LRRC37A2: variants seen among roughly 807,000 people sequenced by gnomAD.
The protein encoded by LRRC37A2 is leucine rich repeat containing 37 member A2.
In LRRC37A2, 9 loss-of-function variants were observed where a neutral mutation model predicts 68.8. The ratio of observed to expected loss-of-function variants is 0.13; its 90% CI spans 0.08 to 0.23. The LOEUF (loss-of-function observed/expected upper bound fraction) is 0.23. LRRC37A2 is among the 10% of genes least tolerant of loss of function. LRRC37A2 has a pLI of 1.00. For synonymous variants in LRRC37A2, 63 were observed against 367.6 expected, an observed-to-expected ratio of 0.17 and a Z score of 9.48; for missense variants, 168 against 950.4, an observed-to-expected ratio of 0.18 and a Z score of 10.82.
the LRRC37A2 span, among the ~76,000 whole-genome samples, chr17:46,994,720 G>A: frequency 1.3e-5 from 2 of 151,940 alleles, no homozygotes; most frequent in African/African-American, 2.4e-5. Context: ...AGCAGTTGTC[G>A]GCCTCTGAGT....
At chr17:46,905,780 T>TTGTGTGTGTGTGTGTGTGTGTGTG in the LRRC37A2 span, among the ~76,000 whole-genome samples, 1 of 116,962 alleles carries the variant, frequency 8.5e-6, no homozygotes, top group Admixed American at 8.6e-5. Context: ...CTCTGTGTGT[T>TTGTGTGTGTGTGTGTGTGTGTGTG]TGTGTGTGTG....
chr17:46,958,496 CTA>C, the LRRC37A2 span, among the ~76,000 whole-genome samples: 2 of 152,220 alleles, frequency 1.3e-5, no homozygotes, highest in South Asian at 4.1e-4. Context: ...CACAGCCTGA[CTA>C]AGCCAAGAGC....
At chr17:46,773,236 G>A in the LRRC37A2 span, among the ~76,000 whole-genome samples, 1 of 152,072 alleles carries the variant, frequency 6.6e-6, no homozygotes, top group Admixed American at 6.5e-5. Flanking sequence ...GCTCTTGGGG[G>A]CAACGCAATG....
the LRRC37A2 span, among the ~76,000 whole-genome samples, chr17:46,950,940 C>T: frequency 6.6e-6 from 1 of 152,156 alleles, no homozygotes; most frequent in Non-Finnish European, 1.5e-5. Context: ...GGGAAGTCAC[C>T]GACTCCCAAT....
the LRRC37A2 span, among the ~76,000 whole-genome samples, chr17:46,501,120 C>A: frequency 6.6e-6 from 1 of 151,306 alleles, no homozygotes; most frequent in African/African-American, 2.5e-5. Flanking sequence ...TAAATCCTGA[C>A]CTCAAGCAAT....
chr17:47,044,309 C>T, the LRRC37A2 span, among the ~76,000 whole-genome samples: 3 of 151,324 alleles, frequency 2.0e-5, no homozygotes, highest in African/African-American at 7.3e-5. Context: ...GAATCATGTA[C>T]TAAGTGTAAT....
the LRRC37A2 span, among the ~76,000 whole-genome samples, chr17:46,754,642 C>T: frequency 6.6e-6 from 1 of 152,112 alleles, no homozygotes; most frequent in Admixed American, 6.5e-5. Flanking sequence ...GAAAACCAGT[C>T]GAGATAGCTA....
At chr17:46,950,252 C>A in the LRRC37A2 span, among the ~76,000 whole-genome samples, 1 of 152,232 alleles carries the variant, frequency 6.6e-6, no homozygotes, top group South Asian at 2.1e-4. Flanking sequence ...ATTCTTGGGT[C>A]TTCTTCCCTC....
the LRRC37A2 span, among the ~76,000 whole-genome samples, chr17:46,840,355 G>A: frequency 6.6e-6 from 1 of 152,136 alleles, no homozygotes; most frequent in Non-Finnish European, 1.5e-5. Context: ...CAAAGTGCTG[G>A]GATTACAGGC....
the LRRC37A2 span, chr17:46,851,754 G>A: frequency 1.8e-6 from 2 of 1,097,488 alleles, no homozygotes; most frequent in East Asian, 3.2e-5. This position sits in a 1 kb window ranked among gnomAD's most constrained non-coding sequence, Gnocchi z 4.3. Context: ...TCCCCGGCCT[G>A]CCTGTCTCTC....
chr17:46,994,819 CA>C, the LRRC37A2 span, among the ~76,000 whole-genome samples: 1 of 74,328 alleles, frequency 1.3e-5, no homozygotes. Context: ...AGCTACAAAA[CA>C]AAACAAAAAA....
the LRRC37A2 span, among the ~76,000 whole-genome samples, chr17:47,029,850 G>T: frequency 6.6e-6 from 1 of 152,008 alleles, no homozygotes; most frequent in Non-Finnish European, 1.5e-5. Context: ...GATCACTTGA[G>T]GTCAGGAGTT....
At chr17:46,735,526 A>G in the LRRC37A2 span, among the ~76,000 whole-genome samples, 1 of 151,980 alleles carries the variant, frequency 6.6e-6, no homozygotes, top group African/African-American at 2.4e-5. Context: ...TATAGCCTTG[A>G]ACGTCCCTTA....
the LRRC37A2 span, among the ~76,000 whole-genome samples, chr17:46,966,144 G>A: frequency 2.0e-5 from 3 of 152,064 alleles, no homozygotes. Context: ...GTACTATTTC[G>A]TGATTGAGGG....
At chr17:46,812,668 C>A in the LRRC37A2 span, among the ~76,000 whole-genome samples, 1 of 152,108 alleles carries the variant, frequency 6.6e-6, no homozygotes, top group African/African-American at 2.4e-5. Context: ...TGGCCCAGCA[C>A]CCTCAACTTA....
chr17:47,021,962 A>G, the LRRC37A2 span: 1 of 1,468,482 alleles, frequency 6.8e-7, no homozygotes, highest in Non-Finnish European at 9.5e-7. Context: ...AGCTAACTGC[A>G]TTGTAAGATC....
chr17:46,788,852 C>T, the LRRC37A2 span, among the ~76,000 whole-genome samples: 7 of 152,284 alleles, frequency 4.6e-5, no homozygotes, highest in African/African-American at 7.2e-5. Context: ...GTCTCCACGG[C>T]GAGCTGAGGG....
intron 8 of LRRC37A2, among the ~76,000 whole-genome samples, chr17:46,544,797 C>T (rs1255611163): frequency 8.9e-6 from 1 of 112,248 alleles, no homozygotes; most frequent in Non-Finnish European, 1.8e-5. Flanking sequence ...CCCAAATTTA[C>T]GTATTGGAAA....
the LRRC37A2 span, among the ~76,000 whole-genome samples, chr17:46,780,113 C>A: frequency 1.3e-5 from 2 of 152,212 alleles, no homozygotes; most frequent in Non-Finnish European, 2.9e-5. Context: ...AGCCTGGATG[C>A]TGCATTGACT....
Sources: allele counts gnomAD v4.1 joint callset (sites outside exome capture counted in the v4.1 genomes callset), GRCh38; gene constraint gnomAD v4.1.1; non-coding constraint Gnocchi (gnomAD v3.1); transcripts MANE v1.5; gene names NCBI Gene and HGNC (gene_info 2026-07-23, HGNC 2026-07-21).